Variants in PLEKHA7 observed in about 807,000 individuals in gnomAD.
The protein encoded by PLEKHA7 is pleckstrin homology domain-containing family A member 7.
Under a neutral mutation model 170.0 loss-of-function variants are expected in PLEKHA7, and 104 were observed. That is an observed-to-expected ratio of 0.61 (90% CI 0.52 to 0.72). PLEKHA7 has a LOEUF of 0.72. PLEKHA7 is among the 30% of genes least tolerant of loss of function. The pLI is 0.00. For synonymous variants in PLEKHA7, 648 were observed against 660.8 expected (o/e 0.98, Z 0.30); for missense variants, 1,615 against 1,671.7 (o/e 0.97, Z 0.59).
At position 16,816,940 on chromosome 11, in the gene PLEKHA7, G is replaced by C; in HGVS notation, c.1726C>G (p.Pro576Ala). The change falls in exon 11 of 27, where the codon CCA becomes GCA. Residue 576 changes from proline to alanine, a missense_variant. By Grantham distance (27) the Pro-to-Ala change is conservative (BLOSUM62 -1). Transcript: ENST00000531066. ...GGTGGGAAGACCCTTGGGGGTCCTG[G>C]GGGAGGGATGTCCGAGGGAGATGGA... Reference protein sequence around the residue: ...VPPSPSDIPPPGPPRVFPPRR... With the variant: ...VPPSPSDIPPAGPPRVFPPRR... 1.9e-6 allele frequency: 3 copies of C among 1,613,330 alleles called. No individual in the cohort carries two copies. The highest frequency in any genetic ancestry group is 2.5e-6 in the Non-Finnish European group (3 of 1,179,606).
At chr11:16,958,880 A>C (rs1442789650) in intron 3 of PLEKHA7, among the ~76,000 whole-genome samples, 1 of 152,150 alleles carries the variant, frequency 6.6e-6, no homozygotes, top group Non-Finnish European at 1.5e-5. Flanking sequence ...TGTAACCCAG[A>C]AGCAGAATGG....
intron 7 of PLEKHA7, 24 bp downstream of exon 7, chr11:16,852,259 G>T (rs763230753): frequency 6.2e-7 from 1 of 1,609,652 alleles, no homozygotes; most frequent in Non-Finnish European, 8.5e-7. Flanking sequence ...CTTCGGCAGG[G>T]TAATAGGCTA....
chr11:16,965,890 C>T (rs1413271886), intron 3 of PLEKHA7, among the ~76,000 whole-genome samples: 2 of 152,122 alleles, frequency 1.3e-5, no homozygotes, highest in Non-Finnish European at 2.9e-5. Context: ...TTTAATAAAA[C>T]AGGTAGAAAG....
chr11:16,936,386 C>G lies in PLEKHA7; in HGVS notation c.222-65204G>C, dbSNP rs189555498. On this transcript the variant is annotated intron_variant, in intron 3 of 26. Transcript: ENST00000531066. ...TATTGTACTCCAGCCTGGGAAATAG[C>G]GTGAGACTCTGTCTCAAAAAAAAAA... Among the ~76,000 whole-genome samples, 566 of 103,604 alleles carry G rather than the reference C, an allele frequency of 5.5e-3. 1 individual carries two copies. The highest frequency in any genetic ancestry group is 0.039 in the Middle Eastern group (4 of 102). The allele number at this position is 103,604 out of a possible 152,430, so 68.0% of individuals were successfully genotyped here.
intron 3 of PLEKHA7, among the ~76,000 whole-genome samples, chr11:17,000,695 T>C (rs1864613759): frequency 6.6e-6 from 1 of 152,196 alleles, no homozygotes; most frequent in Admixed American, 6.5e-5. Context: ...AGTTGCCAGA[T>C]ACCATTCTAA....
intron 12 of PLEKHA7, among the ~76,000 whole-genome samples, chr11:16,814,072 C>T (rs1191372475): frequency 6.6e-6 from 1 of 152,166 alleles, no homozygotes; most frequent in South Asian, 2.1e-4. Context: ...GACAGTCACA[C>T]AGACAAACCA....
chr11:16,956,412 T>TA (rs565603953), intron 3 of PLEKHA7, among the ~76,000 whole-genome samples: 12 of 152,132 alleles, frequency 7.9e-5, no homozygotes, highest in Non-Finnish European at 1.5e-4. Context: ...AACACCCACT[T>TA]AGAGTATGAA....
At chr11:16,957,923 TCAAA>T (rs1861809615) in intron 3 of PLEKHA7, among the ~76,000 whole-genome samples, 1 of 151,946 alleles carries the variant, frequency 6.6e-6, no homozygotes, top group Non-Finnish European at 1.5e-5. Flanking sequence ...CAACTTGGTC[TCAAA>T]CTCCTGACCT....
At chr11:16,983,952 C>T (rs1028113803) in intron 3 of PLEKHA7, among the ~76,000 whole-genome samples, 2 of 152,144 alleles carry the variant, frequency 1.3e-5, no homozygotes, top group African/African-American at 2.4e-5. Flanking sequence ...TGGTGGCATA[C>T]ACCTGTGGCC....
intron 3 of PLEKHA7, among the ~76,000 whole-genome samples, chr11:16,954,355 A>C (rs1381636328): frequency 3.3e-5 from 5 of 151,844 alleles, no homozygotes; most frequent in Admixed American, 3.3e-4. Flanking sequence ...ATCTCTACAA[A>C]AACAACAACA....
chr11:16,929,673 C>T (rs1015827538), intron 3 of PLEKHA7, among the ~76,000 whole-genome samples: 6 of 152,234 alleles, frequency 3.9e-5, no homozygotes, highest in African/African-American at 1.4e-4. Context: ...ACAAAAGGAA[C>T]TGCACCACCT....
At chr11:16,996,935 C>CAA (rs112441884) in intron 3 of PLEKHA7, among the ~76,000 whole-genome samples, 3 of 139,574 alleles carry the variant, frequency 2.1e-5, no homozygotes, top group Non-Finnish European at 3.1e-5. Context: ...GACTCCGTCT[C>CAA]AAAAAAAAAA....
At chr11:16,943,686 A>T (rs1860836916) in intron 3 of PLEKHA7, among the ~76,000 whole-genome samples, 1 of 152,220 alleles carries the variant, frequency 6.6e-6, no homozygotes, top group African/African-American at 2.4e-5. Context: ...CCTTACATTT[A>T]CAGAGTCCAC....
rs755819315 is a variant in PLEKHA7, at chr11:16,789,309, A to C, written c.3157-13T>G. On this transcript the variant is annotated splice_polypyrimidine_tract_variant and intron_variant, in intron 22 of 26. Transcript: ENST00000531066. The surrounding 1 kb of genome is among the most constrained non-coding windows in gnomAD (Gnocchi z 4.6). The stretch of plus-strand genomic sequence containing the variant: ...CACTCTTAGGTCTCTGAGGAAGAGG[A>C]GGCAGGCAAGAGAGACACAGAACAG... 2.5e-6 allele frequency: 4 copies of C among 1,611,770 alleles called. No individual in the cohort carries two copies. The highest frequency in any genetic ancestry group is 2.7e-5 in the African/African-American group (2 of 74,888).
chr11:16,839,250 A>C (rs1320384474), intron 9 of PLEKHA7, among the ~76,000 whole-genome samples: 2 of 152,178 alleles, frequency 1.3e-5, no homozygotes, highest in East Asian at 3.9e-4. Context: ...AGCACAAAAG[A>C]ATCCTATATA....
chr11:16,955,853 C>T (rs1861667619), intron 3 of PLEKHA7, among the ~76,000 whole-genome samples: 1 of 152,044 alleles, frequency 6.6e-6, no homozygotes, highest in African/African-American at 2.4e-5. Flanking sequence ...GGTTAGAGAC[C>T]TGGTTATCTA....
Position 16,789,739 on chromosome 11 carries a change from G to C in PLEKHA7, c.3156+36C>G. The C allele has an allele frequency of 3.2e-6, 5 of 1,554,108 alleles. No homozygotes were observed. Among genetic ancestry groups the C allele is most frequent in the Non-Finnish European group, 4.4e-6 (5 of 1,127,562 alleles). Reference sequence around the variant, plus strand: ...GGAGACCCTCCCTCCCCATGTGAAGGAGCAGGGAGGTCCTCGACAGCTCAA... The same window carrying C: ...GGAGACCCTCCCTCCCCATGTGAAGCAGCAGGGAGGTCCTCGACAGCTCAA... On this transcript the variant is annotated intron_variant, in intron 22 of 26. Coordinates refer to ENST00000531066, the MANE Select transcript of PLEKHA7 (RefSeq NM_001329630.2). This position sits in a 1 kb window ranked among gnomAD's most constrained non-coding sequence, Gnocchi z 4.6.
chr11:16,821,491 A>T (rs1647568863), intron 10 of PLEKHA7, among the ~76,000 whole-genome samples: 1 of 152,234 alleles, frequency 6.6e-6, no homozygotes, highest in Admixed American at 6.5e-5. Flanking sequence ...CTCCAATTAG[A>T]AATACTTCCC....
chr11:16,824,930 C>T (rs1850519587), intron 10 of PLEKHA7, among the ~76,000 whole-genome samples: 1 of 152,186 alleles, frequency 6.6e-6, no homozygotes, highest in South Asian at 2.1e-4. Flanking sequence ...TTCCCTGTGT[C>T]CTCAGACAGT....
Sources: gnomAD v4.1 joint callset for allele counts (sites outside exome capture counted in the v4.1 genomes callset) on GRCh38, gnomAD v4.1.1 for gene constraint, Gnocchi (gnomAD v3.1) non-coding constraint, MANE v1.5 for transcripts, NCBI Gene and HGNC (gene_info 2026-07-23, HGNC 2026-07-21) for gene names.